Variants in EML4 observed in about 807,000 individuals in gnomAD.
EML4 encodes the protein EMAP like 4, also known as echinoderm microtubule-associated protein-like 4.
Under a neutral mutation model 129.0 loss-of-function variants are expected in EML4, and 72 were observed. The ratio of observed to expected loss-of-function variants is 0.56; its 90% confidence interval spans 0.46 to 0.68. The LOEUF (loss-of-function observed/expected upper bound fraction) is 0.68, where lower values mean the gene tolerates loss of function less well. Ranked by LOEUF, EML4 falls within the 30% of genes least tolerant of loss-of-function variation. The pLI is 0.00. For synonymous variants in EML4, 532 were observed against 405.0 expected, an observed-to-expected ratio of 1.31 and a Z score of -3.77; for missense variants, 1,363 against 1,190.6, an observed-to-expected ratio of 1.14 and a Z score of -2.13.
Position 42,317,449 on chromosome 2 carries a change from A to G in EML4, c.2079A>G (p.Gly693=). Residue 693 remains glycine, a synonymous_variant, in exon 19 of 23, where the codon GGA becomes GGG. Transcript: ENST00000318522. Reference sequence around the variant, plus strand: ...TAGATGGTACCTTCCTGGCTGTAGGATCTCATGACAACTTTATTTACCTCT... The same window carrying G: ...TAGATGGTACCTTCCTGGCTGTAGGGTCTCATGACAACTTTATTTACCTCT... The part of the protein sequence containing the change: ...YSIDGTFLAV[G]SHDNFIYLYV... 1 of 1,612,238 alleles carries G rather than the reference A, an allele frequency of 6.2e-7. No individual in the cohort carries two copies. The highest frequency in any genetic ancestry group is 8.5e-7 in the Non-Finnish European group (1 of 1,178,836).
intron 1 of EML4, among the ~76,000 whole-genome samples, chr2:42,189,964 G>A (rs1671490649): frequency 6.7e-6 from 1 of 148,886 alleles, no homozygotes; most frequent in African/African-American, 2.5e-5. Flanking sequence ...AATCTGAAAT[G>A]CAAAGAGGAA....
At position 42,304,576 on chromosome 2, in the gene EML4, A is replaced by G. The variant is rs754702363; in HGVS notation, c.1967+25A>G. 9 of 1,557,818 alleles carry G rather than the reference A, an allele frequency of 5.8e-6. No individual in the cohort carries two copies. In the South Asian group the frequency reaches 8.9e-5, roughly 15 times the overall value. On this transcript the variant is annotated intron_variant, in intron 17 of 22. Transcript: ENST00000318522. ...GGTAGGGTCTTTAAGTGAACTGAGT[A>G]ATCTGAAGTGGTGGGATGTTTAAAT... is the stretch of plus-strand genomic sequence containing the variant.
chr2:42,283,208 C>T (rs1051383598), intron 8 of EML4, among the ~76,000 whole-genome samples: 6 of 152,232 alleles, frequency 3.9e-5, no homozygotes, highest in Non-Finnish European at 7.3e-5. Flanking sequence ...GGAACCTCTT[C>T]TGCTTTCTCA....
At chr2:42,171,123 G>T (rs1193318102) in intron 1 of EML4, among the ~76,000 whole-genome samples, 1 of 152,086 alleles carries the variant, frequency 6.6e-6, no homozygotes, top group African/African-American at 2.4e-5. Context: ...ACTTAGGTTG[G>T]GCTCTTTTTA....
chr2:42,272,452 T>C (rs139419457), intron 6 of EML4, among the ~76,000 whole-genome samples: 57 of 152,262 alleles, frequency 3.7e-4, no homozygotes, highest in African/African-American at 1.3e-3. Context: ...TATCAGATCT[T>C]TACATTTTGC....
At chr2:42,310,576 C>T (rs879259980) in intron 17 of EML4, among the ~76,000 whole-genome samples, 1 of 152,190 alleles carries the variant, frequency 6.6e-6, no homozygotes, top group African/African-American at 2.4e-5. Flanking sequence ...GAACTCCTGA[C>T]CTCAAGTGAT....
Position 42,193,746 on chromosome 2 carries a change from C to T in EML4, c.25+24110C>T, listed in dbSNP as rs1354184287. 2.6e-5 allele frequency among the ~76,000 whole-genome samples: 4 copies of T among 151,728 alleles called. No individual in the cohort carries two copies. The East Asian group carries it at 7.7e-4, about 29-fold the overall frequency. ...TGTCACCTAGGCTGTTGTGCAGCAGCACAATCATGGCTCACTGCAGCCTTG... is the reference window on the plus strand; with the variant it reads ...TGTCACCTAGGCTGTTGTGCAGCAGTACAATCATGGCTCACTGCAGCCTTG... On this transcript the variant is annotated intron_variant, in intron 1 of 22. Coordinates refer to ENST00000318522, the MANE Select transcript of EML4 (RefSeq NM_019063.5).
intron 6 of EML4, among the ~76,000 whole-genome samples, chr2:42,268,199 A>G (rs377130672): frequency 8.2e-4 from 125 of 152,338 alleles, no homozygotes; most frequent in African/African-American, 2.7e-3. Flanking sequence ...ACAAAGTTCC[A>G]TCTGTGGTGA....
intron 1 of EML4, among the ~76,000 whole-genome samples, chr2:42,240,942 T>A (rs1380104653): frequency 6.6e-6 from 1 of 152,096 alleles, no homozygotes; most frequent in Non-Finnish European, 1.5e-5. Context: ...GTCAGGAGTT[T>A]GAGACCAGCC....
chr2:42,320,425 A>C (rs1229929494), intron 19 of EML4, among the ~76,000 whole-genome samples: 1 of 152,134 alleles, frequency 6.6e-6, no homozygotes, highest in African/African-American at 2.4e-5. Context: ...AACTTCAGAA[A>C]AGTTACTTAA....
chr2:42,279,058 A>G (rs1052578005), intron 6 of EML4, among the ~76,000 whole-genome samples: 8 of 152,226 alleles, frequency 5.3e-5, no homozygotes, highest in Admixed American at 1.3e-4. Flanking sequence ...TATGCTGCCA[A>G]TAAGGAAACT....
chr2:42,253,178 G>A (rs1033858223), intron 2 of EML4, among the ~76,000 whole-genome samples: 2 of 152,178 alleles, frequency 1.3e-5, no homozygotes, highest in African/African-American at 4.8e-5. Context: ...AGCATAGGGT[G>A]TAAGATTGGG....
chr2:42,312,493 CCACAACCCCATAT>C (rs755545058), intron 17 of EML4, among the ~76,000 whole-genome samples: 2 of 152,108 alleles, frequency 1.3e-5, no homozygotes, highest in Non-Finnish European at 2.9e-5. Flanking sequence ...ACTTTGGTCT[CCACAACCCCATAT>C]CATAACCCAG....
intron 3 of EML4, among the ~76,000 whole-genome samples, chr2:42,259,722 C>CTTTTTTTTTTTTTTTTTTTTTTTTTT (rs780243101): frequency 2.0e-5 from 2 of 98,316 alleles, no homozygotes; most frequent in Non-Finnish European, 3.8e-5. Flanking sequence ...TTCTTTCTTT[C>CTTTTTTTTTTTTTTTTTTTTTTTTTT]TTTTTTTTTT....
At chr2:42,186,786 A>G (rs1056341483) in intron 1 of EML4, among the ~76,000 whole-genome samples, 1 of 152,174 alleles carries the variant, frequency 6.6e-6, no homozygotes, top group African/African-American at 2.4e-5. Flanking sequence ...TCAGACTTCA[A>G]AATTTTTAAA....
At chr2:42,281,024 C>A in intron 7 of EML4, 51 bp downstream of exon 7, 6 of 1,405,340 alleles carry the variant, frequency 4.3e-6, no homozygotes, top group South Asian at 2.9e-5. Context: ...CTCTAGTTAA[C>A]AAATCAGTTA....
intron 1 of EML4, among the ~76,000 whole-genome samples, chr2:42,201,258 G>A (rs1054997009): frequency 1.3e-5 from 2 of 152,156 alleles, no homozygotes; most frequent in African/African-American, 4.8e-5. Context: ...TCTGTTTGAT[G>A]TACTTTATGT....
intron 1 of EML4, among the ~76,000 whole-genome samples, chr2:42,220,728 G>C (rs1389860785): frequency 6.6e-6 from 1 of 152,176 alleles, no homozygotes; most frequent in East Asian, 1.9e-4. Flanking sequence ...TAGGCTGAAA[G>C]CTAGGCTTCT....
At chr2:42,177,410 C>T (rs933724978) in intron 1 of EML4, among the ~76,000 whole-genome samples, 13 of 152,012 alleles carry the variant, frequency 8.6e-5, no homozygotes, top group Non-Finnish European at 1.5e-4. Flanking sequence ...CACTTGAGCT[C>T]AGGAGTTTGA....
Sources: allele counts gnomAD v4.1 joint callset (sites outside exome capture counted in the v4.1 genomes callset), GRCh38; gene constraint gnomAD v4.1.1; transcripts MANE v1.5; gene names NCBI Gene and HGNC (gene_info 2026-07-23, HGNC 2026-07-21).